FOXD4L1: variants seen among roughly 807,000 people sequenced by gnomAD.
The protein encoded by FOXD4L1 is forkhead box D4 like 1.
Under a neutral mutation model 24.8 loss-of-function variants are expected in FOXD4L1, and 10 were observed. The ratio of observed to expected loss-of-function variants is 0.40; its 90% CI spans 0.25 to 0.68. FOXD4L1 has a LOEUF of 0.68. Ranked by LOEUF, FOXD4L1 falls within the 30% of genes least tolerant of loss-of-function variation. The pLI, the probability that FOXD4L1 is intolerant of heterozygous loss-of-function variation, is 0.37. For synonymous variants in FOXD4L1, 159 were observed against 256.4 expected, an observed-to-expected ratio of 0.62 and a Z score of 3.63; for missense variants, 364 against 572.4, an observed-to-expected ratio of 0.64 and a Z score of 3.72.
exon 1 of FOXD4L1, chr2:113,499,275 G>C (rs1682391336): frequency 6.2e-7 from 1 of 1,601,028 alleles, no homozygotes; most frequent in African/African-American, 1.3e-5. Flanking sequence ...GCCAAGAGCT[G>C]AGCGCCCTCG....
At chr2:113,498,938 T>C in exon 1 of FOXD4L1, 1 of 556,632 alleles carries the variant, frequency 1.8e-6, no homozygotes, top group Non-Finnish European at 3.2e-6. Context: ...GCTGGGCTTT[T>C]CTCCGGACGG....
chr2:113,499,795 A>G (rs1682405647), exon 1 of FOXD4L1: 2 of 1,535,354 alleles, frequency 1.3e-6, no homozygotes, highest in Non-Finnish European at 1.8e-6. Flanking sequence ...AAGGGCACCT[A>G]CTGGAGCCTG....
At chr2:113,499,920 G>A (rs575543854) in exon 1 of FOXD4L1, 3 of 1,570,244 alleles carry the variant, frequency 1.9e-6, no homozygotes, top group African/African-American at 2.8e-5. Flanking sequence ...CCCTCTACCT[G>A]CTGCACACGC....
At position 113,500,297 on chromosome 2, in the gene FOXD4L1, C is replaced by A. The variant is rs771939839; in HGVS notation, c.1041C>A (p.Thr347=). The A allele has an allele frequency of 8.5e-6, 13 of 1,535,842 alleles. 2 individuals carry two copies. The highest frequency in any genetic ancestry group is 7.7e-5 in the Admixed American group (4 of 52,156). ...GGGCTGCGCAGAGTTTGTCCCCGAC[C>A]GCGTGGAGCTACTGCCCCCTGCTCC... Residue 347 remains threonine, a synonymous_variant, in exon 1 of 1, where the codon ACC becomes ACA. Transcript: ENST00000306507.
rs1682397037 is a variant in FOXD4L1 at position 113,499,488 on chromosome 2, G to A, written c.232G>A (p.Gly78Ser). Residue 78 changes from glycine to serine, a missense_variant, in exon 1 of 1, where the codon GGC (glycine) becomes AGC (serine). By Grantham distance (56) the Gly-to-Ser change is moderately conservative (BLOSUM62 0). Transcript: ENST00000306507. ...TCCCCGAGAGCACATCGAGGGCGGC[G>A]GCCCGAGCGACCCCTCAGAGTTTGG... 5.0e-6 allele frequency: 8 copies of A among 1,590,966 alleles called. 2 individuals carry two copies. The highest frequency in any genetic ancestry group is 6.8e-6 in the Non-Finnish European group (8 of 1,171,520).
exon 1 of FOXD4L1, chr2:113,500,333 A>C: frequency 6.6e-7 from 1 of 1,520,904 alleles, no homozygotes; most frequent in Non-Finnish European, 8.9e-7. Flanking sequence ...AGCGACCGTC[A>C]AGCCTGTCGG....
At chr2:113,499,411 A>G in exon 1 of FOXD4L1, 1 of 1,606,496 alleles carries the variant, frequency 6.2e-7, no homozygotes, top group Non-Finnish European at 8.5e-7. Flanking sequence ...AAGTTCCTAG[A>G]GCAGTCGCTC....
At chr2:113,499,776 C>T in exon 1 of FOXD4L1, 3 of 1,540,530 alleles carry the variant, frequency 1.9e-6, no homozygotes, top group Non-Finnish European at 2.6e-6. Flanking sequence ...CGAGCCGGGC[C>T]ACCCAGGCAA....
At chr2:113,499,166 T>C in exon 1 of FOXD4L1, 4 of 1,608,440 alleles carry the variant, frequency 2.5e-6, no homozygotes, top group Non-Finnish European at 3.4e-6. Context: ...TTCCTGCTTC[T>C]TGCAACATTC....
exon 1 of FOXD4L1, chr2:113,499,847 C>T (rs1440050705): frequency 1.3e-6 from 2 of 1,569,248 alleles, no homozygotes; most frequent in Non-Finnish European, 1.7e-6. Flanking sequence ...GCAGCTTTCT[C>T]CGGCGTAGGA....
exon 1 of FOXD4L1, chr2:113,498,912 G>T (rs1682381610): frequency 2.0e-6 from 1 of 500,662 alleles, no homozygotes; most frequent in East Asian, 4.6e-5. Context: ...TGGCAGGTGG[G>T]TGCGAGGAGG....
exon 1 of FOXD4L1, chr2:113,498,978 C>G (rs1442310673): frequency 3.3e-6 from 2 of 613,718 alleles, no homozygotes; most frequent in African/African-American, 3.7e-5. Flanking sequence ...CATCCCTGGA[C>G]TACGTTAGGA....
chr2:113,499,382 G>A, exon 1 of FOXD4L1: 1 of 1,610,130 alleles, frequency 6.2e-7, no homozygotes, highest in Non-Finnish European at 8.5e-7. Context: ...TGGAAGACGA[G>A]GAGGAGGAGG....
chr2:113,499,570 C>G (rs1422028770), exon 1 of FOXD4L1: 27 of 1,609,470 alleles, frequency 1.7e-5, no homozygotes, highest in Non-Finnish European at 2.1e-5. Flanking sequence ...GCCCGGCAGC[C>G]GGCAAAGCCC....
exon 1 of FOXD4L1, chr2:113,499,367 C>T: frequency 1.9e-6 from 3 of 1,610,002 alleles, no homozygotes; most frequent in Non-Finnish European, 2.5e-6. Flanking sequence ...AAGATGAAGA[C>T]GAGGTGGAAG....
exon 1 of FOXD4L1, chr2:113,499,371 G>A (rs1682393906): frequency 1.2e-6 from 2 of 1,610,180 alleles, no homozygotes; most frequent in Non-Finnish European, 1.7e-6. Flanking sequence ...TGAAGACGAG[G>A]TGGAAGACGA....
At position 113,500,417 on chromosome 2, in the gene FOXD4L1, T is replaced by G. The variant is rs539850821; in HGVS notation, c.1161T>G (p.Gly387=). Residue 387 remains glycine (G), a synonymous_variant, in exon 1 of 1, where the codon GGT becomes GGG. Transcript: ENST00000306507. Reference sequence around the variant, plus strand: ...GGCTGCGCTCCCACCAAGGGCGCGGTGCTGGGCGGGCACCTGTCGGCCGCG... The same window carrying G: ...GGCTGCGCTCCCACCAAGGGCGCGGGGCTGGGCGGGCACCTGTCGGCCGCG... The G allele has an allele frequency of 5.9e-6, 9 of 1,518,818 alleles. 1 individual carries two copies. The Admixed American group carries it at 8.0e-5, about 14-fold the overall frequency. The allele number at this position is 1,518,818 out of a possible 1,614,324, so 94.1% of individuals were successfully genotyped here. A position where few individuals can be genotyped will look rare whatever the true frequency, so the allele number is the denominator to read the frequency against.
chr2:113,499,282 C>T (rs189095552), exon 1 of FOXD4L1: 157,545 of 1,405,456 alleles, frequency 0.11, 34,721 homozygotes, highest in East Asian at 0.48. Context: ...GCTGAGCGCC[C>T]TCGCTCCACA....
chr2:113,499,212 G>A lies in FOXD4L1; in HGVS notation c.-45G>A. 3 of 1,611,804 alleles carry A rather than the reference G, an allele frequency of 1.9e-6. No individual in the cohort carries two copies. The highest frequency in any genetic ancestry group is 2.5e-6 in the Non-Finnish European group (3 of 1,179,818). ...TCCAGCTCAGCCCGCCCCGGGCCAG[G>A]TGATCGGCCGCCACATCCCCTGCGA... On this transcript the variant is annotated 5_prime_UTR_variant, in exon 1 of 1. In the 5' UTR this introduces an upstream ATG that the reference lacks. Coordinates refer to ENST00000306507, the Ensembl canonical transcript of FOXD4L1.
Sources: allele counts gnomAD v4.1 joint callset, GRCh38; gene constraint gnomAD v4.1.1; transcripts MANE v1.5; gene names NCBI Gene and HGNC (gene_info 2026-07-23, HGNC 2026-07-21).